The following DLGAP2 variants were observed in gnomAD, a reference collection of about 807,000 sequenced individuals.
DLGAP2 encodes disks large-associated protein 2.
In DLGAP2, 26 loss-of-function variants were observed where a neutral mutation model predicts 100.3. The observed-to-expected ratio is 0.26, with a 90% CI of 0.19 to 0.36. The LOEUF is 0.36. DLGAP2 is among the 10% of genes least tolerant of loss of function. DLGAP2 has a pLI of 1.00. For missense variants in DLGAP2, 1,858 were observed against 1,453.2 expected, an observed-to-expected ratio of 1.28 and a Z score of -4.53; for synonymous variants, 886 against 630.1, an observed-to-expected ratio of 1.41 and a Z score of -6.08.
At chr8:793,515 C>G (rs997624371) in intron 1 of DLGAP2, among the ~76,000 whole-genome samples, 2 of 152,204 alleles carry the variant, frequency 1.3e-5, no homozygotes, top group South Asian at 4.1e-4. Context: ...CTTTATGGCT[C>G]TTTCAAGATC....
intron 5 of DLGAP2, among the ~76,000 whole-genome samples, chr8:1,553,760 C>A (rs1310126313): frequency 6.6e-6 from 1 of 152,144 alleles, no homozygotes; most frequent in African/African-American, 2.4e-5. Context: ...TCTGAGCTTT[C>A]CTTGCAGCCA....
intron 3 of DLGAP2, among the ~76,000 whole-genome samples, chr8:1,476,625 C>T (rs113563645): frequency 5.3e-5 from 8 of 152,190 alleles, no homozygotes; most frequent in Non-Finnish European, 1.2e-4. Context: ...GTCTCTCCCC[C>T]TCTCCTGGAG....
intron 3 of DLGAP2, among the ~76,000 whole-genome samples, chr8:1,464,789 G>A (rs929119958): frequency 6.6e-6 from 1 of 152,172 alleles, no homozygotes; most frequent in Non-Finnish European, 1.5e-5. Flanking sequence ...CGAAGCACCG[G>A]GACGTAGAGA....
chr8:837,055 G>A (rs1349638555), intron 1 of DLGAP2, among the ~76,000 whole-genome samples: 1 of 152,216 alleles, frequency 6.6e-6, no homozygotes, highest in Non-Finnish European at 1.5e-5. Flanking sequence ...CGGGGTTCGA[G>A]TCCTATCTCG....
At chr8:1,623,353 TGTGCGTGATGACCTGGAACCA>T (rs925524767) in intron 6 of DLGAP2, among the ~76,000 whole-genome samples, 2 of 151,500 alleles carry the variant, frequency 1.3e-5, no homozygotes, top group Non-Finnish European at 2.9e-5. Context: ...TGTGAAGACC[TGTGCGTGATGACCTGGAACCA>T]GTGCGTGATG....
chr8:1,160,886 G>T (rs1377558723), intron 2 of DLGAP2, among the ~76,000 whole-genome samples: 1 of 152,194 alleles, frequency 6.6e-6, no homozygotes, highest in African/African-American at 2.4e-5. Flanking sequence ...CTAGCAATCA[G>T]GTAAGTAACT....
intron 2 of DLGAP2, among the ~76,000 whole-genome samples, chr8:917,126 C>CATA (rs1798610545): frequency 6.6e-6 from 1 of 152,148 alleles, no homozygotes; most frequent in Admixed American, 6.5e-5. Context: ...AGTGAAGGGC[C>CATA]GGGGATAGTA....
At chr8:1,030,538 G>A (rs1037603739) in intron 2 of DLGAP2, among the ~76,000 whole-genome samples, 17 of 152,166 alleles carry the variant, frequency 1.1e-4, no homozygotes, top group Non-Finnish European at 2.5e-4. Context: ...GGGAAGAGGT[G>A]TTAGTTTAAA....
At chr8:1,392,413 GC>G (rs1207403684) in intron 3 of DLGAP2, among the ~76,000 whole-genome samples, 1 of 152,180 alleles carries the variant, frequency 6.6e-6, no homozygotes, top group East Asian at 1.9e-4. Flanking sequence ...AAAACCTGTG[GC>G]CCCCGTCGGC....
chr8:1,276,292 A>G (rs989829888), intron 3 of DLGAP2, among the ~76,000 whole-genome samples: 1 of 151,566 alleles, frequency 6.6e-6, no homozygotes, highest in South Asian at 2.1e-4. Context: ...TTACCCAAAC[A>G]CTATGAAAAG....
chr8:1,195,139 C>A (rs535456198), intron 2 of DLGAP2, among the ~76,000 whole-genome samples: 1 of 152,266 alleles, frequency 6.6e-6, no homozygotes, highest in African/African-American at 2.4e-5. Flanking sequence ...TGCCCCTGGT[C>A]GCAAAGGCGT....
intron 2 of DLGAP2, among the ~76,000 whole-genome samples, chr8:941,383 C>T (rs1799191818): frequency 6.6e-6 from 1 of 152,124 alleles, no homozygotes; most frequent in African/African-American, 2.4e-5. Flanking sequence ...AGCAAGGCTC[C>T]CCCATGCCCT....
In DLGAP2 at chr8:1,533,911, C is replaced by T. The variant is rs950691821; in HGVS notation, c.173-14715C>T. Among the ~76,000 whole-genome samples, 4 of 152,190 alleles carry T rather than the reference C, an allele frequency of 2.6e-5. No individual in the cohort carries two copies. In the South Asian group the frequency reaches 8.3e-4, roughly 31 times the overall value. On this transcript the variant is annotated intron_variant, in intron 4 of 14. Transcript: ENST00000637795. ...TTGAGGCGACAGTGAGCTATCATCA[C>T]ACCACTGCACTCCAGACTGGGCAGC...
chr8:755,422 A>G (rs1286753272), intron 1 of DLGAP2, among the ~76,000 whole-genome samples: 1 of 152,178 alleles, frequency 6.6e-6, no homozygotes, highest in Admixed American at 6.5e-5. Context: ...TTGCCACTGC[A>G]CTCCAGCCTG....
At chr8:739,301 CA>C (rs1406645800) in intron 1 of DLGAP2, 1 of 152,298 alleles carries the variant, frequency 6.6e-6, no homozygotes, top group Non-Finnish European at 1.5e-5. Context: ...GACCCGGTCC[CA>C]GAGCCTGGCG....
At chr8:904,289 G>A (rs1192969429) in intron 1 of DLGAP2, among the ~76,000 whole-genome samples, 1 of 152,228 alleles carries the variant, frequency 6.6e-6, no homozygotes, top group Non-Finnish European at 1.5e-5. Context: ...GGAGGCCGAG[G>A]TGGGTGGATT....
chr8:1,638,483 C>T (rs935680466), intron 8 of DLGAP2, among the ~76,000 whole-genome samples: 1 of 151,984 alleles, frequency 6.6e-6, no homozygotes, highest in Middle Eastern at 3.2e-3. Flanking sequence ...TACGGCAGCA[C>T]GGGAGGACTA....
rs930183509 is a variant in DLGAP2 at position 1,303,123 on chromosome 8, C to T, written c.106+44240C>T. Among the ~76,000 whole-genome samples, 46 of 152,244 alleles carry T rather than the reference C, an allele frequency of 3.0e-4. 1 individual carries two copies. The highest frequency in any genetic ancestry group is 2.0e-3 in the Admixed American group (31 of 15,298). ...GAATAAAAAGGAGGAAGGGGTGGGG[C>T]GCGGTGGCTCACGCCTGTAATCCCA... On this transcript the variant is annotated intron_variant, in intron 3 of 14. Transcript: ENST00000637795.
chr8:1,630,941 T>TGGG (rs1797627416), intron 7 of DLGAP2, among the ~76,000 whole-genome samples: 2 of 147,898 alleles, frequency 1.4e-5, no homozygotes, highest in African/African-American at 5.0e-5. Flanking sequence ...CCCGAGGGTC[T>TGGG]CGGCGGGAGG....
Sources: allele counts gnomAD v4.1 joint callset (sites outside exome capture counted in the v4.1 genomes callset), GRCh38; gene constraint gnomAD v4.1.1; transcripts MANE v1.5; gene names NCBI Gene and HGNC (gene_info 2026-07-23, HGNC 2026-07-21).